Variants in TLE6 observed in about 807,000 individuals in gnomAD.
TLE6 encodes transducin-like enhancer protein 6.
In TLE6, 72 loss-of-function variants were observed where a neutral mutation model predicts 77.1. The ratio of observed to expected loss-of-function variants is 0.93; its 90% confidence interval spans 0.77 to 1.14. TLE6 has a LOEUF of 1.14. Among genes scored for constraint, TLE6 ranks in the 50% most tolerant of loss-of-function variants. The pLI is 0.00. For missense variants in TLE6, 843 were observed against 747.6 expected (o/e 1.13, Z -1.49); for synonymous variants, 366 against 287.3 (o/e 1.27, Z -2.77).
At chr19:2,994,139 G>A in intron 16 of TLE6, 44 bp downstream of exon 16, 1 of 1,540,816 alleles carries the variant, frequency 6.5e-7, no homozygotes, top group Non-Finnish European at 8.8e-7. Flanking sequence ...TGGCCCCAAA[G>A]GGACCAGCCT....
Position 2,989,091 on chromosome 19 carries a change from A to C in TLE6, c.771A>C (p.Ala257=), listed in dbSNP as rs760641878. ...GGGACCCTGAGGACTTTGAAGATGC[A>C]TGGAAGAGGCCAGATGCCTTGCCCG... ...ISWDPEDFED[A]WKRPDALPGQ... is the part of the protein sequence containing the mutation. Residue 257 remains alanine (A), a synonymous_variant, in exon 12 of 17, where the codon GCA becomes GCC. Coordinates refer to ENST00000246112, the MANE Select transcript of TLE6 (RefSeq NM_001143986.2). The C allele has an allele frequency of 8.7e-6, 14 of 1,614,004 alleles. No homozygotes were observed. Among genetic ancestry groups the C allele is most frequent in the Non-Finnish European group, 1.7e-6 (2 of 1,180,044 alleles).
rs1230112532 is a variant in TLE6 at position 2,981,346 on chromosome 19, T to G, written c.135-192T>G. 3.7e-5 allele frequency among the ~76,000 whole-genome samples: 4 copies of G among 109,012 alleles called. No homozygotes were observed. In the East Asian group the frequency reaches 1.6e-3, roughly 43 times the overall value. The allele number at this position is 109,012 out of a possible 152,430, so 71.5% of individuals were successfully genotyped here. Reference sequence around the variant, plus strand: ...TGGGTGACAAGAGTGAGACTCTGTCTCAAAAAAAAAAAAAAAAGAATATAC... The same window carrying G: ...TGGGTGACAAGAGTGAGACTCTGTCGCAAAAAAAAAAAAAAAAGAATATAC... On this transcript the variant is annotated intron_variant, in intron 3 of 16. Coordinates refer to ENST00000246112, the MANE Select transcript of TLE6 (RefSeq NM_001143986.2).
At chr19:2,994,467 G>A (rs1484577806) in intron 16 of TLE6, among the ~76,000 whole-genome samples, 2 of 152,030 alleles carry the variant, frequency 1.3e-5, no homozygotes, top group Non-Finnish European at 2.9e-5. Flanking sequence ...AAAATTAGTT[G>A]GGCGTGGTGG....
In TLE6 at chr19:2,990,394, G is replaced by A. The variant is rs1228769450; in HGVS notation, c.1244+609G>A. 5.3e-5 allele frequency among the ~76,000 whole-genome samples: 8 copies of A among 151,484 alleles called. 2 individuals are homozygous for A. Among genetic ancestry groups the A allele is most frequent in the Admixed American group, 5.3e-4 (8 of 15,186 alleles). On this transcript the variant is annotated intron_variant, in intron 13 of 16. Transcript: ENST00000246112. ...GAGGCAGGCAGATCCACGAGGTCAG[G>A]AGATCAAGACCATTCTAGCTGACAC...
Position 2,978,213 on chromosome 19 carries a change from T to A in TLE6, c.-21T>A. ...GTTGTTTTAGACTCTGGCTAAAGTC[T>A]TGGAGGCTACTGCCTTGAAGATGAC... On this transcript the variant is annotated 5_prime_UTR_variant, in exon 2 of 17. The change creates a new upstream start codon in the 5' untranslated region. Transcript: ENST00000246112. The A allele has an allele frequency of 6.4e-7, 1 of 1,551,374 alleles. No homozygotes were observed. The highest frequency in any genetic ancestry group is 8.7e-7 in the Non-Finnish European group (1 of 1,146,884).
chr19:2,986,811 C>T lies in TLE6; in HGVS notation c.223-18C>T, dbSNP rs774277315. 3.7e-5 allele frequency: 58 copies of T among 1,551,246 alleles called. No individual in the cohort carries two copies. The highest frequency in any genetic ancestry group is 2.7e-5 in the African/African-American group (2 of 73,026). ...ACTGCAACAACATTTAACTGTTTTGCTGCCAACCTCCTTCTAGATAGGAAA... is the reference window on the plus strand; with the variant it reads ...ACTGCAACAACATTTAACTGTTTTGTTGCCAACCTCCTTCTAGATAGGAAA... On this transcript the variant is annotated intron_variant, in intron 5 of 16. Transcript: ENST00000246112.
intron 2 of TLE6, among the ~76,000 whole-genome samples, chr19:2,978,964 T>A (rs1387799950): frequency 6.6e-6 from 1 of 152,130 alleles, no homozygotes; most frequent in Non-Finnish European, 1.5e-5. Context: ...TATGATTTTA[T>A]TATGTTTGAG....
intron 5 of TLE6, among the ~76,000 whole-genome samples, chr19:2,983,341 C>A (rs949532818): frequency 6.6e-6 from 1 of 152,100 alleles, no homozygotes; most frequent in African/African-American, 2.4e-5. Flanking sequence ...GGGATGAGGG[C>A]TGGGCAAGGC....
At chr19:2,981,901 G>A (rs956322022) in intron 4 of TLE6, among the ~76,000 whole-genome samples, 1 of 152,008 alleles carries the variant, frequency 6.6e-6, no homozygotes, top group Non-Finnish European at 1.5e-5. Context: ...GAGCCCAGGA[G>A]GCAGAGGTTG....
Position 2,987,097 on chromosome 19 carries a change from C to A in TLE6, c.400C>A (p.Arg134=). 6.2e-7 allele frequency: 1 copy of A among 1,614,130 alleles called. No homozygotes were observed. The highest frequency in any genetic ancestry group is 8.5e-7 in the Non-Finnish European group (1 of 1,180,020). Residue 134 remains arginine, a synonymous_variant, in exon 7 of 17, where the codon CGG becomes AGG. Coordinates refer to ENST00000246112, the MANE Select transcript of TLE6 (RefSeq NM_001143986.2). ...CACCAGGTCCTCCGACTGGCTCCGG[C>A]GGCCTTTGGGGGAGGACAATCAGCC... ...MATRSSDWLR[R]PLGEDNQPET...
At chr19:2,986,337 G>T (rs1226190406) in intron 5 of TLE6, among the ~76,000 whole-genome samples, 1 of 150,564 alleles carries the variant, frequency 6.6e-6, no homozygotes, top group East Asian at 2.0e-4. Context: ...GATCACTTGA[G>T]CCTGGGAGGT....
Position 2,978,825 on chromosome 19 carries a change from T to C in TLE6, c.51+541T>C, listed in dbSNP as rs555237428. ...ACACATCATGTATTTGGTTGATGTTTTACAAGCAATCCCCGCTCCCTGCAC... is the reference window on the plus strand; with the variant it reads ...ACACATCATGTATTTGGTTGATGTTCTACAAGCAATCCCCGCTCCCTGCAC... On this transcript the variant is annotated intron_variant, in intron 2 of 16. Transcript: ENST00000246112. Among the ~76,000 whole-genome samples, 15 of 152,310 alleles carry C rather than the reference T, an allele frequency of 9.8e-5. No individual in the cohort carries two copies. The South Asian group carries it at 3.1e-3, about 32-fold the overall frequency.
chr19:2,987,840 G>A (rs200461427), intron 9 of TLE6, 50 bp downstream of exon 9: 2 of 1,613,840 alleles, frequency 1.2e-6, no homozygotes, highest in African/African-American at 2.7e-5. Flanking sequence ...ATGGGGTGGG[G>A]GCATCCTGTG....
chr19:2,986,436 G>A (rs908495523), intron 5 of TLE6, among the ~76,000 whole-genome samples: 1 of 151,378 alleles, frequency 6.6e-6, no homozygotes, highest in Non-Finnish European at 1.5e-5. Context: ...GATGAAGGCT[G>A]GGGGTGGTGG....
chr19:2,993,636 A>G lies in TLE6; in HGVS notation c.1537+54A>G, dbSNP rs2089137899. On this transcript the variant is annotated intron_variant, in intron 15 of 16. Transcript: ENST00000246112. ...TCCCCTGCAGCCCCCAGCCTCCCAC[A>G]AGACCCCACCTAATGCCAGCTCCCC... 2.0e-6 allele frequency: 3 copies of G among 1,515,778 alleles called. No homozygotes were observed. In the East Asian group the frequency reaches 6.9e-5, roughly 35 times the overall value. 93.9% of individuals were successfully genotyped at this position (1,515,778 alleles called of 1,614,324 possible).
At chr19:2,978,308 C>G in intron 2 of TLE6, 24 bp downstream of exon 2, 1 of 1,550,874 alleles carries the variant, frequency 6.4e-7, no homozygotes, top group South Asian at 1.2e-5. Flanking sequence ...GTGGTGGGAT[C>G]AGCCCTCAAG....
rs1328168910 is a variant in TLE6 at position 2,979,813 on chromosome 19, C to T, written c.52-287C>T. 4.8e-4 allele frequency among the ~76,000 whole-genome samples: 13 copies of T among 27,348 alleles called. No homozygotes were observed. The East Asian group carries it at 9.1e-3, about 19-fold the overall frequency. 17.9% of individuals were successfully genotyped at this position (27,348 alleles called of 152,430 possible). On this transcript the variant is annotated intron_variant, in intron 2 of 16. Transcript: ENST00000246112. ...AATAAGCCAGGTGTGTTGCCGGGGG[C>T]GGGCGGGGGAGGGGGGCGCGGGCGC...
intron 5 of TLE6, among the ~76,000 whole-genome samples, chr19:2,986,529 C>T (rs1374558978): frequency 6.6e-6 from 1 of 151,846 alleles, no homozygotes; most frequent in African/African-American, 2.4e-5. Context: ...GCCTGGCCAA[C>T]ATGGTGAAAC....
intron 11 of TLE6, among the ~76,000 whole-genome samples, chr19:2,988,384 C>G (rs1469243715): frequency 6.6e-6 from 1 of 152,042 alleles, no homozygotes; most frequent in Admixed American, 6.6e-5. Flanking sequence ...ATCACGAGGT[C>G]AGGAGATTGA....
Sources: gnomAD v4.1 joint callset for allele counts (sites outside exome capture counted in the v4.1 genomes callset) on GRCh38, gnomAD v4.1.1 for gene constraint, MANE v1.5 for transcripts, NCBI Gene and HGNC (gene_info 2026-07-23, HGNC 2026-07-21) for gene names.